The following ERC2 variants were observed in gnomAD, a reference collection of about 807,000 sequenced individuals.
The protein encoded by ERC2 is ELKS/RAB6-interacting/CAST family member 2, also known as ERC protein 2.
Under a neutral mutation model 114.8 loss-of-function variants are expected in ERC2, and 42 were observed. The ratio of observed to expected loss-of-function variants is 0.37; its 90% CI spans 0.29 to 0.47. The LOEUF is 0.47. Ranked by LOEUF, ERC2 falls within the 20% of genes least tolerant of loss-of-function variation. The pLI is 0.99. For synonymous variants in ERC2, 454 were observed against 425.5 expected (o/e 1.07, Z -0.82); for missense variants, 939 against 1,150.7 (o/e 0.82, Z 2.66).
intron 2 of ERC2, among the ~76,000 whole-genome samples, chr3:56,425,708 T>C (rs1043096629): frequency 1.3e-5 from 2 of 152,106 alleles, no homozygotes; most frequent in Admixed American, 6.6e-5. Context: ...CCCTGAAACA[T>C]GCCATGGCTT....
At chr3:56,007,021 T>C (rs1330617266) in intron 10 of ERC2, among the ~76,000 whole-genome samples, 160 bp downstream of exon 10, 2 of 152,128 alleles carry the variant, frequency 1.3e-5, no homozygotes, top group African/African-American at 2.4e-5. Flanking sequence ...ACAGATTTGA[T>C]AGACTTCTTA....
chr3:56,133,555 G>A (rs1347747137), intron 6 of ERC2, among the ~76,000 whole-genome samples: 1 of 152,178 alleles, frequency 6.6e-6, no homozygotes, highest in Non-Finnish European at 1.5e-5. Flanking sequence ...CTAGTTAAAG[G>A]CATTTGGAGC....
intron 14 of ERC2, among the ~76,000 whole-genome samples, chr3:55,772,287 C>T (rs1407344641): frequency 6.6e-6 from 1 of 152,060 alleles, no homozygotes; most frequent in African/African-American, 2.4e-5. Flanking sequence ...GGACTGCAGG[C>T]ATGCACCACC....
At chr3:56,244,534 C>G (rs2051547721) in intron 3 of ERC2, among the ~76,000 whole-genome samples, 1 of 151,858 alleles carries the variant, frequency 6.6e-6, no homozygotes, top group Admixed American at 6.6e-5. Context: ...TCATCAACAT[C>G]AACAGTGATG....
chr3:56,019,096 G>A (rs2149590693), intron 7 of ERC2, 65 bp from the exon 8 acceptor site: 1 of 1,236,750 alleles, frequency 8.1e-7, no homozygotes, highest in Non-Finnish European at 1.1e-6. Context: ...AATTCCTGAA[G>A]TGGATCTATT....
At chr3:55,775,401 G>A (rs1181808931) in intron 14 of ERC2, among the ~76,000 whole-genome samples, 6 of 151,976 alleles carry the variant, frequency 3.9e-5, no homozygotes, top group Non-Finnish European at 8.8e-5. Flanking sequence ...GCGCGGTTGT[G>A]CATGCCTGTG....
chr3:55,694,123 G>A (rs1294500997), intron 16 of ERC2, among the ~76,000 whole-genome samples: 3 of 152,190 alleles, frequency 2.0e-5, no homozygotes, highest in East Asian at 3.8e-4. Flanking sequence ...ATCCATCATA[G>A]TTGTGCAATC....
intron 17 of ERC2, among the ~76,000 whole-genome samples, chr3:55,647,887 C>T (rs1005456052): frequency 2.6e-5 from 4 of 152,206 alleles, no homozygotes; most frequent in East Asian, 1.9e-4. Flanking sequence ...CTGCTGCAGC[C>T]GCCTCGCCCT....
intron 5 of ERC2, among the ~76,000 whole-genome samples, chr3:56,146,916 A>G (rs183525893): frequency 6.6e-6 from 1 of 152,240 alleles, no homozygotes; most frequent in African/African-American, 2.4e-5. Flanking sequence ...AATCTAACTC[A>G]AGGATTGATG....
At chr3:55,657,183 C>G (rs1343681807) in intron 17 of ERC2, 1 of 152,036 alleles carries the variant, frequency 6.6e-6, no homozygotes, top group Non-Finnish European at 1.5e-5. Flanking sequence ...GACACCTCTC[C>G]TGACATACCC....
At chr3:56,037,772 T>C (rs2074898354) in intron 7 of ERC2, among the ~76,000 whole-genome samples, 1 of 151,580 alleles carries the variant, frequency 6.6e-6, no homozygotes, top group Non-Finnish European at 1.5e-5. Flanking sequence ...AAGGTCAAAA[T>C]GAAGGAAAAA....
At chr3:56,147,506 A>G (rs377127296) in intron 5 of ERC2, among the ~76,000 whole-genome samples, 1 of 152,210 alleles carries the variant, frequency 6.6e-6, no homozygotes. Flanking sequence ...GTGATGAAGT[A>G]AACACTGGAT....
intron 17 of ERC2, among the ~76,000 whole-genome samples, chr3:55,662,362 G>A (rs986003110): frequency 1.3e-5 from 2 of 152,148 alleles, no homozygotes; most frequent in Non-Finnish European, 2.9e-5. Flanking sequence ...ACCTTGGCAG[G>A]GGAATTCCAT....
chr3:56,080,243 A>G (rs764210361), intron 7 of ERC2, among the ~76,000 whole-genome samples: 4 of 152,192 alleles, frequency 2.6e-5, no homozygotes, highest in Admixed American at 2.0e-4. Flanking sequence ...AGGGTCCCCT[A>G]TAAGGGAGAA....
chr3:55,979,803 G>A lies in ERC2; in HGVS notation c.2267+6174C>T, dbSNP rs552525996. ...AAAAAAAAAAAAAATTCAATTAGCTGTGCATGGTGGTAGGCCTGTAGTTCT... is the reference window on the plus strand; with the variant it reads ...AAAAAAAAAAAAAATTCAATTAGCTATGCATGGTGGTAGGCCTGTAGTTCT... On this transcript the variant is annotated intron_variant, in intron 12 of 17. Transcript: ENST00000288221. Among the ~76,000 whole-genome samples, 140 of 151,972 alleles carry A rather than the reference G, an allele frequency of 9.2e-4. 1 individual carries two copies. Among genetic ancestry groups the A allele is most frequent in the African/African-American group, 3.1e-3 (130 of 41,468 alleles).
chr3:56,426,888 G>A (rs182162860), intron 2 of ERC2, among the ~76,000 whole-genome samples: 62 of 151,910 alleles, frequency 4.1e-4, no homozygotes, highest in Non-Finnish European at 7.6e-4. Flanking sequence ...TTGGCAGAGC[G>A]CAGTGGCTCA....
At chr3:56,010,804 A>G (rs954474588) in intron 8 of ERC2, among the ~76,000 whole-genome samples, 2 of 152,210 alleles carry the variant, frequency 1.3e-5, no homozygotes, top group Non-Finnish European at 2.9e-5. Context: ...ATAAAAGTTA[A>G]TATCACAGGG....
chr3:55,860,343 CA>C (rs1189351025), intron 14 of ERC2, among the ~76,000 whole-genome samples: 17 of 152,132 alleles, frequency 1.1e-4, no homozygotes, highest in African/African-American at 4.1e-4. Flanking sequence ...TATGCTCTAC[CA>C]AGAGGCCATC....
At chr3:55,934,709 T>C (rs998692309) in intron 13 of ERC2, among the ~76,000 whole-genome samples, 2 of 152,192 alleles carry the variant, frequency 1.3e-5, no homozygotes, top group Admixed American at 6.5e-5. Context: ...TCAGGAAATT[T>C]CTGGATAATT....
Sources: allele counts gnomAD v4.1 joint callset (sites outside exome capture counted in the v4.1 genomes callset), GRCh38; gene constraint gnomAD v4.1.1; transcripts MANE v1.5; gene names NCBI Gene and HGNC (gene_info 2026-07-23, HGNC 2026-07-21).